ARHGAP36: variants seen among roughly 807,000 people sequenced by gnomAD.
ARHGAP36 encodes the protein rho GTPase-activating protein 36.
Under a neutral mutation model 32.9 loss-of-function variants are expected in ARHGAP36, and 7 were observed. The observed-to-expected ratio is 0.21, with a 90% CI of 0.12 to 0.40. The LOEUF (loss-of-function observed/expected upper bound fraction) is 0.40, where lower values mean the gene tolerates loss of function less well. ARHGAP36 is among the 10% of genes least tolerant of loss of function. The probability of loss-of-function intolerance (pLI) is 1.00; values close to 1 mark genes in which losing one functional copy is unlikely to be tolerated. For synonymous variants in ARHGAP36, 165 were observed against 168.3 expected (o/e 0.98, Z 0.15); for missense variants, 383 against 442.2 (o/e 0.87, Z 1.20).
intron 1 of ARHGAP36, among the ~76,000 whole-genome samples, chrX:131,075,506 C>T (rs1424265538): frequency 7.3e-5 from 8 of 109,797 alleles, no homozygotes; most frequent in Non-Finnish European, 1.3e-4. Flanking sequence ...CTCCTCTCCT[C>T]TACCTTTCAT....
At position 131,081,872 on chromosome X, in the gene ARHGAP36, C is replaced by T. The variant is rs1302033805; in HGVS notation, c.207C>T (p.His69=). Residue 69 remains histidine (H), a synonymous_variant, in exon 2 of 12, where the codon CAC becomes CAT. Coordinates refer to ENST00000276211, the MANE Select transcript of ARHGAP36 (RefSeq NM_144967.4). ...ERLKLQETAY[H]ELVARHFLSE... is the part of the protein sequence containing the mutation. The stretch of plus-strand genomic sequence containing the variant: ...TGAAGCTGCAAGAGACTGCTTACCA[C>T]GAACTCGTGGCCAGACATTTCCTCT... 8.3e-7 allele frequency: 1 copy of T among 1,212,027 alleles called. No homozygotes were observed. The highest frequency in any genetic ancestry group is 1.8e-5 in the South Asian group (1 of 56,992).
In ARHGAP36 at chrX:131,088,883, C is replaced by G; in HGVS notation, c.*98C>G. ...TAAGGAGAGAGTTGAAGGTAAAGAT[C>G]TGAAGGTAAGAAGGAGTTCCACCTG... On this transcript the variant is annotated 3_prime_UTR_variant, in exon 12 of 12. Transcript: ENST00000276211. 1 of 1,089,399 alleles carries G rather than the reference C, an allele frequency of 9.2e-7. No individual in the cohort carries two copies. Among genetic ancestry groups the G allele is most frequent in the South Asian group, 2.3e-5 (1 of 43,044 alleles). The allele number at this position is 1,089,399 out of a possible 1,213,427, so 89.8% of individuals were successfully genotyped here.
chrX:131,068,262 C>T (rs1452807845), intron 1 of ARHGAP36, among the ~76,000 whole-genome samples: 5 of 111,242 alleles, frequency 4.5e-5, no homozygotes, highest in Non-Finnish European at 7.6e-5. Flanking sequence ...TACATGCATA[C>T]ATACATACAT....
rs2079833363 is a variant in ARHGAP36 at position 131,085,963 on chromosome X, T to C, written c.1155T>C (p.Ser385=). 5.0e-6 allele frequency: 6 copies of C among 1,209,986 alleles called. No individual in the cohort carries two copies. Among genetic ancestry groups the C allele is most frequent in the Non-Finnish European group, 6.7e-6 (6 of 895,180 alleles). ...TSTNLALVFG[S]ALLKKGKFGK... is the part of the protein sequence containing the mutation. ...CTAACTTGGCCTTGGTGTTTGGATC[T>C]GCTCTCCTGAAAAAAGGAAAGTTTG... The change falls in exon 9 of 12, where the codon TCT becomes TCC. Residue 385 remains serine, a synonymous_variant. Coordinates refer to ENST00000276211, the MANE Select transcript of ARHGAP36 (RefSeq NM_144967.4).
At position 131,083,819 on chromosome X, in the gene ARHGAP36, C is replaced by T. The variant is rs2079819492; in HGVS notation, c.405C>T (p.Ala135=). The stretch of plus-strand genomic sequence containing the variant: ...GCCGCAAGCATCTTGAACTGACAGC[C>T]ACGATGCAGGTTGAAGAAGCCACCG... ...FTRRKHLELT[A]TMQVEEATGQ... Residue 135 remains alanine (A), a synonymous_variant, in exon 4 of 12, where the codon GCC becomes GCT. Transcript: ENST00000276211. 6 of 1,210,908 alleles carry T rather than the reference C, an allele frequency of 5.0e-6. No homozygotes were observed. In the Admixed American group the frequency reaches 6.5e-5, roughly 13 times the overall value.
intron 1 of ARHGAP36, among the ~76,000 whole-genome samples, chrX:131,075,703 GC>G (rs1389202249): frequency 9.2e-6 from 1 of 108,575 alleles, no homozygotes; most frequent in Admixed American, 9.9e-5. Context: ...ATGGCACAGA[GC>G]AATGTATAAA....
rs756573193 is a variant in ARHGAP36 at position 131,083,148 on chromosome X, T to G, written c.254-17T>G. ...TCCTATTTGTAAGTGTATCTTTTCT[T>G]TTTTCTCTTTCTGTAGCTCTGCCTA... On this transcript the variant is annotated splice_polypyrimidine_tract_variant and intron_variant, in intron 2 of 11. Coordinates refer to ENST00000276211, the MANE Select transcript of ARHGAP36 (RefSeq NM_144967.4). 1.1e-5 allele frequency: 13 copies of G among 1,204,418 alleles called. No individual in the cohort carries two copies. The highest frequency in any genetic ancestry group is 8.8e-5 in the Admixed American group (4 of 45,406).
chrX:131,084,354 C>T lies in ARHGAP36; in HGVS notation c.695C>T (p.Ala232Val), dbSNP rs745365369. Residue 232 changes from alanine to valine, a missense_variant, in exon 5 of 12, where the codon GCG (alanine) becomes GTG (valine). Around this residue, in one of 2 missense-constraint regions of ARHGAP36, gnomAD observed 227 missense variants for 311.3 expected, o/e 0.73. Transcript: ENST00000276211. ...SKRKMSLNPIAKQIPQVVEAC... is the reference protein window; with the variant it reads ...SKRKMSLNPIVKQIPQVVEAC... ...AGGAAGATGAGTCTCAATCCGATTG[C>T]GAAACAAATCCCCCAGGTTGTTGAG... 6 of 1,208,914 alleles carry T rather than the reference C, an allele frequency of 5.0e-6. No individual in the cohort carries two copies. The African/African-American group carries it at 1.1e-4, about 21-fold the overall frequency.
At chrX:131,059,180 C>T (rs948298898) in intron 1 of ARHGAP36, among the ~76,000 whole-genome samples, 2 of 112,264 alleles carry the variant, frequency 1.8e-5, no homozygotes, top group Admixed American at 1.9e-4. Flanking sequence ...ATATGTGGGT[C>T]ACATTTCACC....
intron 1 of ARHGAP36, chrX:131,078,734 C>G (rs927155783): frequency 1.0e-6 from 1 of 982,208 alleles, no homozygotes; most frequent in Non-Finnish European, 1.3e-6. Flanking sequence ...GCTACTGGCA[C>G]CTTGAGAAGG....
intron 1 of ARHGAP36, among the ~76,000 whole-genome samples, chrX:131,075,623 A>ATATGTGTGTGTGTG (rs778565871): frequency 2.4e-4 from 24 of 98,168 alleles, no homozygotes; most frequent in African/African-American, 8.7e-4. Context: ...GTGTATATAT[A>ATATGTGTGTGTGTG]TGTGTGTGTG....
In ARHGAP36 at chrX:131,088,985, A is replaced by C; in HGVS notation, c.*200A>C. 3 of 514,088 alleles carry C rather than the reference A, an allele frequency of 5.8e-6. No individual in the cohort carries two copies. The highest frequency in any genetic ancestry group is 5.8e-6 in the Non-Finnish European group (2 of 344,106). The allele number at this position is 514,088 out of a possible 1,213,427, so 42.4% of individuals were successfully genotyped here. On this transcript the variant is annotated 3_prime_UTR_variant, in exon 12 of 12. Transcript: ENST00000276211. ...GGATGCTTGGTCTCTTCTGCTGGTA[A>C]AAGCAGAGATGTTTCTGTGTCATGC...
chrX:131,058,411 T>C lies in ARHGAP36; in HGVS notation c.-176T>C. ...CATGGCGTGGATACTGGACTGCCTT[T>C]TCGCCTCGGCCTTTGAGCCCCGCCC... is the stretch of plus-strand genomic sequence containing the variant. On this transcript the variant is annotated 5_prime_UTR_variant, in exon 1 of 12. Transcript: ENST00000276211. 1 of 1,103,474 alleles carries C rather than the reference T, an allele frequency of 9.1e-7. No individual in the cohort carries two copies. The highest frequency in any genetic ancestry group is 1.9e-5 in the African/African-American group (1 of 52,760). The allele number at this position is 1,103,474 out of a possible 1,213,427, so 90.9% of individuals were successfully genotyped here.
At chrX:131,078,761 C>T in intron 1 of ARHGAP36, 1 of 979,657 alleles carries the variant, frequency 1.0e-6, no homozygotes, top group Non-Finnish European at 1.3e-6. Flanking sequence ...GCAAGTAAGG[C>T]AATGCCAATT....
chrX:131,072,968 GTCACGCAGCCTT>G (rs2148638620), intron 1 of ARHGAP36: 1 of 112,084 alleles, frequency 8.9e-6, no homozygotes, highest in East Asian at 2.8e-4. Flanking sequence ...TGTCGAGCAG[GTCACGCAGCCTT>G]TCCCTGGCCG....
Position 131,089,018 on chromosome X carries a change from C to T in ARHGAP36, c.*233C>T. 2.6e-6 allele frequency: 1 copy of T among 379,220 alleles called. No individual in the cohort carries two copies. Among genetic ancestry groups the T allele is most frequent in the Non-Finnish European group, 4.3e-6 (1 of 233,893 alleles). The allele number at this position is 379,220 out of a possible 1,213,427, so 31.3% of individuals were successfully genotyped here. A position where few individuals can be genotyped will look rare whatever the true frequency, so the allele number is the denominator to read the frequency against. On this transcript the variant is annotated 3_prime_UTR_variant, in exon 12 of 12. Transcript: ENST00000276211. ...GATGTTTCTGTGTCATGCCCAAGCT[C>T]CCCGGTGCTACCTTGCCTTTCTCTT...
chrX:131,074,574 A>G (rs934882461), intron 1 of ARHGAP36, among the ~76,000 whole-genome samples: 2 of 112,065 alleles, frequency 1.8e-5, no homozygotes, highest in African/African-American at 6.5e-5. Flanking sequence ...GGATCTGTCC[A>G]GTGCTGGTGG....
At chrX:131,087,945 C>T (rs145530230) in intron 11 of ARHGAP36, among the ~76,000 whole-genome samples, 291 of 112,114 alleles carry the variant, frequency 2.6e-3, no homozygotes, top group Middle Eastern at 0.023. Context: ...ACCACTATGG[C>T]TCCAGAAACT....
rs1429487473 is a variant in ARHGAP36 at position 131,084,674 on chromosome X, T to C, written c.797T>C (p.Val266Ala). 2.5e-6 allele frequency: 3 copies of C among 1,210,066 alleles called. No individual in the cohort carries two copies. Among genetic ancestry groups the C allele is most frequent in the Non-Finnish European group, 3.4e-6 (3 of 895,167 alleles). The change falls in exon 6 of 12, where the codon GTG becomes GCG. Residue 266 changes from valine (V) to alanine (A), a missense_variant. Coordinates refer to ENST00000276211, the MANE Select transcript of ARHGAP36 (RefSeq NM_144967.4). Reference protein sequence around the residue: ...IFTLEYSVQRVRQLREEFDQG... With the variant: ...IFTLEYSVQRARQLREEFDQG... The stretch of plus-strand genomic sequence containing the variant: ...ACCCTTGAATACTCCGTGCAGCGAG[T>C]GCGTCAGGTAAATTGGCTATGTTTA...
Sources: gnomAD v4.1 joint callset for allele counts (sites outside exome capture counted in the v4.1 genomes callset) on GRCh38, gnomAD v4.1.1 for gene constraint, gnomAD v4.1.1 regional missense constraint, MANE v1.5 for transcripts, NCBI Gene and HGNC (gene_info 2026-07-23, HGNC 2026-07-21) for gene names.